Variants in CELA1 observed in about 807,000 individuals in gnomAD.
CELA1 encodes the protein chymotrypsin like elastase 1, also known as chymotrypsin-like elastase family member 1.
CELA1 carries 28 observed loss-of-function variants against 34.8 expected under a neutral mutation model. That is an observed-to-expected ratio of 0.80 (90% CI 0.60 to 1.10). CELA1 has a LOEUF of 1.10. Among genes scored for constraint, CELA1 ranks in the 50% least tolerant of loss-of-function variants. The pLI is 0.00. For synonymous variants in CELA1, 140 were observed against 129.8 expected (o/e 1.08, Z -0.53); for missense variants, 288 against 327.5 (o/e 0.88, Z 0.93).
rs772973965 is a variant in CELA1 at position 51,339,956 on chromosome 12, C to T, written c.513G>A (p.Val171=). Residue 171 remains valine, a synonymous_variant, in exon 6 of 8, where the codon GTG becomes GTA. Transcript: ENST00000293636. The stretch of plus-strand genomic sequence containing the variant: ...AGGAGCTGGAGCAGATGGCGTAGTC[C>T]ACAGAGGGCAGGTAAGCCTGCTGCA... The part of the protein sequence containing the change: ...QTLQQAYLPS[V]DYAICSSSSY... 3 of 1,613,966 alleles carry T rather than the reference C, an allele frequency of 1.9e-6. No individual in the cohort carries two copies. The highest frequency in any genetic ancestry group is 2.5e-6 in the Non-Finnish European group (3 of 1,180,002).
At chr12:51,339,132 A>AG (rs1946517722) in intron 6 of CELA1, among the ~76,000 whole-genome samples, 1 of 152,200 alleles carries the variant, frequency 6.6e-6, no homozygotes, top group South Asian at 2.1e-4. Flanking sequence ...ACTGGGGTAA[A>AG]GGGATGGTGG....
intron 1 of CELA1, among the ~76,000 whole-genome samples, 190 bp from the exon 2 acceptor site, chr12:51,346,067 T>A (rs888326893): frequency 6.6e-6 from 1 of 152,006 alleles, no homozygotes; most frequent in Admixed American, 6.6e-5. Context: ...CTGGGTGCCT[T>A]CTGTTTCCCC....
At chr12:51,342,473 A>T (rs1946542122) in intron 4 of CELA1, 102 bp downstream of exon 4, 1 of 1,534,798 alleles carries the variant, frequency 6.5e-7, no homozygotes, top group East Asian at 2.3e-5. Flanking sequence ...GTTTCAGGCC[A>T]TGCAATCCCT....
chr12:51,329,997 T>G (rs558074522), intron 6 of CELA1, among the ~76,000 whole-genome samples, 164 bp from the exon 7 acceptor site: 1 of 152,258 alleles, frequency 6.6e-6, no homozygotes, highest in Non-Finnish European at 1.5e-5. Context: ...CTCTTCTTCC[T>G]TTCTAAACAA....
At chr12:51,342,803 AT>A in intron 3 of CELA1, 103 bp from the exon 4 acceptor site, 1 of 1,282,898 alleles carries the variant, frequency 7.8e-7, no homozygotes, top group Non-Finnish European at 1.0e-6. Context: ...AATCATTATT[AT>A]TTAGGAAATT....
chr12:51,329,286 T>G (rs1446363836), intron 7 of CELA1, among the ~76,000 whole-genome samples: 1 of 151,338 alleles, frequency 6.6e-6, no homozygotes, highest in East Asian at 1.9e-4. Context: ...TAGAGCAAAT[T>G]ATCATAATGT....
chr12:51,331,445 C>T (rs1946469298), intron 6 of CELA1, among the ~76,000 whole-genome samples: 1 of 152,090 alleles, frequency 6.6e-6, no homozygotes, highest in Non-Finnish European at 1.5e-5. Context: ...ACAAGAACGG[C>T]ATACTACTAA....
chr12:51,343,019 G>A (rs1238080085), intron 3 of CELA1, among the ~76,000 whole-genome samples: 1 of 152,030 alleles, frequency 6.6e-6, no homozygotes. Flanking sequence ...TCTCCAAAAT[G>A]AGAAAGTAAC....
At chr12:51,329,149 G>C (rs1259295358) in intron 7 of CELA1, among the ~76,000 whole-genome samples, 1 of 151,214 alleles carries the variant, frequency 6.6e-6, no homozygotes, top group Non-Finnish European at 1.5e-5. Flanking sequence ...AACTACTTGG[G>C]AGGCTGAAGC....
At chr12:51,340,434 G>T (rs1271869958) in intron 5 of CELA1, among the ~76,000 whole-genome samples, 1 of 143,444 alleles carries the variant, frequency 7.0e-6, no homozygotes, top group Non-Finnish European at 1.5e-5. Context: ...TTGTTGCCCA[G>T]GCTGGAGTGC....
At chr12:51,328,641 T>G (rs767136845) in intron 7 of CELA1, 47 bp from the exon 8 acceptor site, 1 of 1,609,016 alleles carries the variant, frequency 6.2e-7, no homozygotes, top group South Asian at 1.1e-5. Context: ...CCTGCCTACC[T>G]CCTTTCTTGT....
chr12:51,342,210 T>G (rs1466124177), intron 4 of CELA1, among the ~76,000 whole-genome samples: 3 of 152,030 alleles, frequency 2.0e-5, no homozygotes, highest in Non-Finnish European at 4.4e-5. Context: ...TTTTTTTGTA[T>G]TTTTAGTACA....
chr12:51,334,303 T>C (rs17860342), intron 6 of CELA1, among the ~76,000 whole-genome samples: 4,763 of 152,320 alleles, frequency 0.031, 270 homozygotes, highest in African/African-American at 0.11. Context: ...TTTTCCCCCT[T>C]ATTCCCATGT....
At position 51,328,600 on chromosome 12, in the gene CELA1, G is replaced by A. The variant is rs373319806; in HGVS notation, c.760-6C>T. ...GTTCAGTTGGAGGCGATGACCTGAA[G>A]GAAAGACAGTTATGTCCACAGTCAG... On this transcript the variant is annotated splice_polypyrimidine_tract_variant and splice_region_variant and intron_variant, in intron 7 of 7. Transcript: ENST00000293636. The A allele has an allele frequency of 2.0e-5, 32 of 1,613,716 alleles. No individual in the cohort carries two copies. In the African/African-American group the frequency reaches 3.2e-4, roughly 16 times the overall value.
At chr12:51,342,786 T>G (rs1330064219) in intron 3 of CELA1, 86 bp from the exon 4 acceptor site, 1 of 1,430,164 alleles carries the variant, frequency 7.0e-7, no homozygotes, top group African/African-American at 1.5e-5. Context: ...AAACCATCTT[T>G]TTTTTTAATC....
chr12:51,329,892 C>T (rs951784259), intron 6 of CELA1, 59 bp from the exon 7 acceptor site: 11 of 1,456,550 alleles, frequency 7.6e-6, no homozygotes, highest in Non-Finnish European at 1.0e-5. Context: ...TGCTTGCACT[C>T]CCCCCGCCCC....
intron 6 of CELA1, among the ~76,000 whole-genome samples, chr12:51,330,282 A>C (rs1946462513): frequency 6.6e-6 from 1 of 152,232 alleles, no homozygotes; most frequent in South Asian, 2.1e-4. Flanking sequence ...AATTAGACCA[A>C]GTATTTAGAC....
In CELA1 at chr12:51,346,644, C is replaced by A; in HGVS notation, c.-6G>T. ...TTACCATAAAGGACCAGCATGTTGC[C>A]GATGGAGTAGACCACTGCCTTCTTG... is the stretch of plus-strand genomic sequence containing the variant. On this transcript the variant is annotated 5_prime_UTR_variant, in exon 1 of 8. Transcript: ENST00000293636. 6.7e-7 allele frequency: 1 copy of A among 1,497,464 alleles called. No individual in the cohort carries two copies. Among genetic ancestry groups the A allele is most frequent in the Non-Finnish European group, 9.1e-7 (1 of 1,100,058 alleles). The allele number at this position is 1,497,464 out of a possible 1,614,324, so 92.8% of individuals were successfully genotyped here.
chr12:51,346,545 C>T (rs1592300267), intron 1 of CELA1, 78 bp downstream of exon 1: 5 of 1,420,954 alleles, frequency 3.5e-6, no homozygotes, highest in Non-Finnish European at 3.0e-6. Flanking sequence ...TGCCCAAGTC[C>T]CCCTCCCTAT....
Sources: allele counts gnomAD v4.1 joint callset (sites outside exome capture counted in the v4.1 genomes callset), GRCh38; gene constraint gnomAD v4.1.1; transcripts MANE v1.5; gene names NCBI Gene and HGNC (gene_info 2026-07-23, HGNC 2026-07-21).